The following ATP10A variants were observed in gnomAD, a reference collection of about 807,000 sequenced individuals.
The protein encoded by ATP10A is ATPase phospholipid transporting 10A (putative).
ATP10A carries 111 observed loss-of-function variants against 147.8 expected under a neutral mutation model. That is an observed-to-expected ratio of 0.75 (90% confidence interval 0.64 to 0.88). The LOEUF (loss-of-function observed/expected upper bound fraction) is 0.88, where lower values mean the gene tolerates loss of function less well. Ranked by LOEUF, ATP10A falls within the 40% of genes least tolerant of loss-of-function variation. The probability of loss-of-function intolerance (pLI) is 0.00; values close to 1 mark genes in which losing one functional copy is unlikely to be tolerated. For synonymous variants in ATP10A, 875 were observed against 841.6 expected, an observed-to-expected ratio of 1.04 and a Z score of -0.69; for missense variants, 1,927 against 1,959.0, an observed-to-expected ratio of 0.98 and a Z score of 0.31.
At chr15:25,819,706 G>C (rs1290800446) in intron 1 of ATP10A, among the ~76,000 whole-genome samples, 2 of 152,090 alleles carry the variant, frequency 1.3e-5, no homozygotes. Context: ...ACTGGATAAA[G>C]AAAATGTGGC....
At chr15:25,843,377 G>A (rs1236040731) in intron 1 of ATP10A, among the ~76,000 whole-genome samples, 1 of 152,132 alleles carries the variant, frequency 6.6e-6, no homozygotes, top group Non-Finnish European at 1.5e-5. Context: ...CAAGTGGAGA[G>A]AGACAGATGT....
chr15:25,679,946 C>A lies in ATP10A; in HGVS notation c.3895G>T (p.Val1299Phe). 6.2e-7 allele frequency: 1 copy of A among 1,605,196 alleles called. No individual in the cohort carries two copies. Among genetic ancestry groups the A allele is most frequent in the Non-Finnish European group, 8.5e-7 (1 of 1,173,738 alleles). Residue 1299 changes from valine to phenylalanine, a missense_variant, in exon 21 of 21, where the codon GTT becomes TTT. Physicochemically the swap from Val to Phe is conservative, Grantham distance 50. Coordinates refer to ENST00000555815, the MANE Select transcript of ATP10A (RefSeq NM_024490.4). ...RLFFRSLQGR[V>F]FPTQLQLARQ... is the part of the protein sequence containing the mutation. ...GCCAGCTGAAGTTGTGTGGGGAAAA[C>A]CCTCCCCTGGAGGGATCTGAAAAAC...
At chr15:25,856,917 A>G (rs1386715553) in intron 1 of ATP10A, among the ~76,000 whole-genome samples, 1 of 152,214 alleles carries the variant, frequency 6.6e-6, no homozygotes, top group Non-Finnish European at 1.5e-5. Flanking sequence ...CAGGCCCTGG[A>G]AAACCCCATA....
At chr15:25,754,767 T>G (rs1888330800) in intron 2 of ATP10A, among the ~76,000 whole-genome samples, 1 of 152,142 alleles carries the variant, frequency 6.6e-6, no homozygotes, top group Admixed American at 6.5e-5. Context: ...TTTACAGAAG[T>G]GGAAAAATCT....
intron 1 of ATP10A, among the ~76,000 whole-genome samples, chr15:25,813,873 AT>A (rs1433369696): frequency 6.6e-6 from 1 of 152,174 alleles, no homozygotes; most frequent in Non-Finnish European, 1.5e-5. Flanking sequence ...AGATAAGGAA[AT>A]GAAAAGTACA....
rs1900227693 is a variant in ATP10A at position 25,694,872 on chromosome 15, C to T, written c.3035G>A (p.Ser1012Asn). The T allele has an allele frequency of 1.9e-6, 3 of 1,614,150 alleles. No homozygotes were observed. The highest frequency in any genetic ancestry group is 1.3e-5 in the African/African-American group (1 of 75,066). Residue 1012 changes from serine (S) to asparagine (N), a missense_variant, in exon 14 of 21, where the codon AGC becomes AAC. Transcript: ENST00000555815. ...GCTCCGCACCAGCTTCACCACCATG[C>T]TCTTCTGCAGAGGCGTCGACCGACA... ...LCCRSTPLQK[S>N]MVVKLVRSKL...
chr15:25,694,810 G>T lies in ATP10A; in HGVS notation c.3088+9C>A. On this transcript the variant is annotated intron_variant, in intron 14 of 20. Transcript: ENST00000555815. ...GGGAGGAGGCCGTCTGGCCAGCTGG[G>T]ATACTTGCCTATGGCCAGGGTCATG... 1.3e-5 allele frequency: 20 copies of T among 1,598,198 alleles called. No homozygotes were observed. The highest frequency in any genetic ancestry group is 1.7e-5 in the Non-Finnish European group (20 of 1,169,552).
intron 2 of ATP10A, 122 bp from the exon 3 acceptor site, chr15:25,736,263 A>C (rs559299353): frequency 4.0e-6 from 3 of 744,724 alleles, no homozygotes; most frequent in Non-Finnish European, 7.1e-6. Context: ...AACTCTGCCT[A>C]TGAATCTCTC....
intron 1 of ATP10A, among the ~76,000 whole-genome samples, chr15:25,809,712 G>A (rs201526769): frequency 1.6e-4 from 5 of 31,992 alleles, no homozygotes; most frequent in African/African-American, 3.3e-4. Context: ...GGGCTGGGAA[G>A]GCAGGAAGAC....
At chr15:25,718,736 G>A (rs1902013793) in intron 7 of ATP10A, among the ~76,000 whole-genome samples, 1 of 152,130 alleles carries the variant, frequency 6.6e-6, no homozygotes, top group Non-Finnish European at 1.5e-5. Context: ...AGGGTGGCAG[G>A]TGGCCGGGAG....
intron 1 of ATP10A, among the ~76,000 whole-genome samples, chr15:25,859,044 C>G (rs147233499): frequency 6.6e-6 from 1 of 152,224 alleles, no homozygotes; most frequent in Admixed American, 6.5e-5. Flanking sequence ...CCCCTCACCC[C>G]TGCTGTGGAA....
In ATP10A at chr15:25,702,041, G is replaced by C. The variant is rs763611613; in HGVS notation, c.2635C>G (p.Arg879Gly). The C allele has an allele frequency of 9.3e-6, 15 of 1,614,142 alleles. No individual in the cohort carries two copies. The East Asian group carries it at 3.1e-4, about 34-fold the overall frequency. Reference protein sequence around the residue: ...DGVPETISKLRQAGLQIWVLT... With the variant: ...DGVPETISKLGQAGLQIWVLT... The stretch of plus-strand genomic sequence containing the variant: ...ACCCAAATCTGCAGGCCCGCTTGAC[G>C]CAATTTAGAAATAGTTTCAGGGACT... The change falls in exon 13 of 21, where the codon CGT (arginine) becomes GGT (glycine). Residue 879 changes from arginine (R) to glycine (G), a missense_variant. Coordinates refer to ENST00000555815, the MANE Select transcript of ATP10A (RefSeq NM_024490.4).
downstream of ATP10A, among the ~76,000 whole-genome samples, chr15:25,674,170 AAAG>A (rs1323650195): frequency 1.3e-5 from 2 of 152,240 alleles, no homozygotes; most frequent in Admixed American, 6.5e-5. Context: ...GTTGGAGGGC[AAAG>A]AAGAAGCTCA....
In ATP10A at chr15:25,680,800, C is replaced by A. The variant is rs760097015; in HGVS notation, c.3678+10G>T. The A allele has an allele frequency of 1.2e-6, 2 of 1,608,084 alleles. No individual in the cohort carries two copies. The highest frequency in any genetic ancestry group is 1.7e-6 in the Non-Finnish European group (2 of 1,175,824). ...CTCTTCTGAGACGTGGCCATGCAGG[C>A]GGCTCTTACCCAGGTTTTGGTTTCA... is the stretch of plus-strand genomic sequence containing the variant. On this transcript the variant is annotated intron_variant, in intron 19 of 20. Transcript: ENST00000555815.
chr15:25,718,075 C>G (rs1372823226), intron 8 of ATP10A, 107 bp downstream of exon 8: 16 of 1,223,594 alleles, frequency 1.3e-5, no homozygotes, highest in Non-Finnish European at 1.8e-5. Flanking sequence ...AGCCGCCCAG[C>G]GACAGTGTAT....
In ATP10A at chr15:25,694,213, A is replaced by G. The variant is rs371178393; in HGVS notation, c.3088+606T>C. Among the ~76,000 whole-genome samples the G allele has an allele frequency of 3.0e-4, 46 of 152,336 alleles. No individual in the cohort carries two copies. In the East Asian group the frequency reaches 7.9e-3, roughly 26 times the overall value. On this transcript the variant is annotated intron_variant, in intron 14 of 20. Transcript: ENST00000555815. ...AGGAGCAGACAGGGCTCTCCAGGCC[A>G]ACAGTGTCTGCCAGGAAAAACCACC... is the stretch of plus-strand genomic sequence containing the variant.
intron 16 of ATP10A, 60 bp downstream of exon 16, chr15:25,687,643 G>C: frequency 8.5e-7 from 1 of 1,180,282 alleles, no homozygotes; most frequent in South Asian, 2.3e-5. Flanking sequence ...TCATTCAGGC[G>C]ATGGTCCTAA....
chr15:25,678,493 A>G (rs1361263288), downstream of ATP10A: 1 of 152,178 alleles, frequency 6.6e-6, no homozygotes, highest in Non-Finnish European at 1.5e-5. Flanking sequence ...GGCTCATTAC[A>G]AAAATGCCTG....
intron 9 of ATP10A, among the ~76,000 whole-genome samples, chr15:25,714,720 A>G (rs1023659343): frequency 2.0e-5 from 3 of 152,134 alleles, no homozygotes; most frequent in Non-Finnish European, 4.4e-5. Context: ...AAAACAGCTC[A>G]GGGGAGCAGG....
Sources: allele counts gnomAD v4.1 joint callset (sites outside exome capture counted in the v4.1 genomes callset), GRCh38; gene constraint gnomAD v4.1.1; transcripts MANE v1.5; gene names NCBI Gene and HGNC (gene_info 2026-07-23, HGNC 2026-07-21).